The following PPP2R2C variants were observed in gnomAD, a reference collection of about 807,000 sequenced individuals.
The protein encoded by PPP2R2C is protein phosphatase 2, regulatory subunit B, gamma.
In PPP2R2C, 10 loss-of-function variants were observed where a neutral mutation model predicts 45.3. The observed-to-expected ratio is 0.22, with a 90% CI of 0.14 to 0.37. The LOEUF (loss-of-function observed/expected upper bound fraction) is 0.37. PPP2R2C is among the 10% of genes least tolerant of loss of function. The probability of loss-of-function intolerance (pLI) is 1.00; values close to 1 mark genes in which losing one functional copy is unlikely to be tolerated. For synonymous variants in PPP2R2C, 257 were observed against 245.4 expected (o/e 1.05, Z -0.44); for missense variants, 308 against 619.7 (o/e 0.50, Z 5.34).
intron 8 of PPP2R2C, among the ~76,000 whole-genome samples, chr4:6,327,457 C>A (rs1441865577): frequency 1.3e-5 from 2 of 152,212 alleles, no homozygotes; most frequent in Non-Finnish European, 2.9e-5. Context: ...GCGGGTGCCC[C>A]CTGGTGGCAG....
At chr4:6,517,329 T>C (rs896646297) in intron 2 of PPP2R2C, among the ~76,000 whole-genome samples, 4 of 152,234 alleles carry the variant, frequency 2.6e-5, no homozygotes, top group African/African-American at 9.6e-5. Flanking sequence ...TCAGCCTATC[T>C]GGGTCCAAAA....
intron 1 of PPP2R2C, among the ~76,000 whole-genome samples, chr4:6,536,929 G>A (rs10937741): frequency 0.28 from 43,153 of 152,098 alleles, 6,141 homozygotes; most frequent in Middle Eastern, 0.38. Context: ...CAGGTCAGGT[G>A]AGGTGGCTCA....
At chr4:6,537,332 A>G (rs1724660401) in intron 1 of PPP2R2C, among the ~76,000 whole-genome samples, 1 of 152,220 alleles carries the variant, frequency 6.6e-6, no homozygotes, top group Admixed American at 6.5e-5. Flanking sequence ...ACAGGCGATT[A>G]CATGGGGAAT....
At chr4:6,325,791 G>A (rs1731889991) in intron 8 of PPP2R2C, among the ~76,000 whole-genome samples, 1 of 152,194 alleles carries the variant, frequency 6.6e-6, no homozygotes, top group South Asian at 2.1e-4. Flanking sequence ...GGGCAGGGGA[G>A]CTGCTTCACC....
At chr4:6,352,588 G>C (rs1712672448) in intron 5 of PPP2R2C, among the ~76,000 whole-genome samples, 1 of 152,192 alleles carries the variant, frequency 6.6e-6, no homozygotes, top group Admixed American at 6.5e-5. Context: ...TAGCATCTAA[G>C]AGTCATTTTC....
rs541851997 is a variant in PPP2R2C at position 6,332,560 on chromosome 4, A to G, written c.960+1002T>C. 4.5e-4 allele frequency among the ~76,000 whole-genome samples: 68 copies of G among 152,286 alleles called. No individual in the cohort carries two copies. The highest frequency in any genetic ancestry group is 7.6e-4 in the Non-Finnish European group (52 of 68,010). On this transcript the variant is annotated intron_variant, in intron 7 of 8. Coordinates refer to ENST00000382599, the MANE Select transcript of PPP2R2C (RefSeq NM_020416.4). This position sits in a 1 kb window ranked among gnomAD's most constrained non-coding sequence, Gnocchi z 4.9. Reference sequence around the variant, plus strand: ...GTTCCCAGCGAGGCCTGCGCCACCCAGGACGCTTTCCTACTAGGTCTTCGC... The same window carrying G: ...GTTCCCAGCGAGGCCTGCGCCACCCGGGACGCTTTCCTACTAGGTCTTCGC...
intron 5 of PPP2R2C, chr4:6,350,661 G>C (rs949729362): frequency 7.1e-6 from 6 of 848,242 alleles, no homozygotes; most frequent in Non-Finnish European, 7.8e-6. Context: ...AACATTCCAG[G>C]TTCTCTCCCA....
At chr4:6,384,519 T>C (rs1716085461) in intron 1 of PPP2R2C, 1 of 973,488 alleles carries the variant, frequency 1.0e-6, no homozygotes, top group South Asian at 4.8e-5. Context: ...ACAATCAATA[T>C]ATAAAACGCT....
chr4:6,381,791 G>A lies in PPP2R2C; in HGVS notation c.71-697C>T, dbSNP rs142944056. On this transcript the variant is annotated intron_variant, in intron 1 of 8. Coordinates refer to ENST00000382599, the MANE Select transcript of PPP2R2C (RefSeq NM_020416.4). Reference sequence around the variant, plus strand: ...CACCCCCATACCTGGAGTCTTCAATGCCCAGGGCTGGCCTTCCTGGATGGG... The same window carrying A: ...CACCCCCATACCTGGAGTCTTCAATACCCAGGGCTGGCCTTCCTGGATGGG... 254 of 1,613,788 alleles carry A rather than the reference G, an allele frequency of 1.6e-4. 1 individual carries two copies. In the African/African-American group the frequency reaches 1.8e-3, roughly 12 times the overall value.
rs149180815 is a variant in PPP2R2C at position 6,451,276 on chromosome 4, G to A, written c.70+20884C>T. ...TGGATCCGCTGTGGACTGTCCAGAT[G>A]AGCCACTGTGCGACCCTGCCAACAC... On this transcript the variant is annotated intron_variant, in intron 1 of 8. Coordinates refer to ENST00000382599, the MANE Select transcript of PPP2R2C (RefSeq NM_020416.4). Among the ~76,000 whole-genome samples, 46 of 152,262 alleles carry A rather than the reference G, an allele frequency of 3.0e-4. 1 individual carries two copies. Among genetic ancestry groups the A allele is most frequent in the African/African-American group, 1.1e-3 (44 of 41,556 alleles).
chr4:6,534,967 T>A (rs1042022463), intron 2 of PPP2R2C, among the ~76,000 whole-genome samples: 4 of 152,180 alleles, frequency 2.6e-5, no homozygotes, highest in African/African-American at 9.6e-5. Context: ...TCCTGGCTCC[T>A]GCCCCAGCTG....
At chr4:6,511,534 G>T (rs62635969) in intron 2 of PPP2R2C, among the ~76,000 whole-genome samples, 10 of 18,002 alleles carry the variant, frequency 5.6e-4, no homozygotes, top group East Asian at 2.6e-3. Context: ...GATGGTGGTG[G>T]TGGTGGTGGT....
intron 1 of PPP2R2C, among the ~76,000 whole-genome samples, chr4:6,541,607 C>G (rs567543208): frequency 3.9e-5 from 6 of 152,228 alleles, no homozygotes; most frequent in Middle Eastern, 3.4e-3. Flanking sequence ...AGTGCAGTGG[C>G]GCGATCTCAG....
chr4:6,473,581 T>A (rs954180053), upstream of PPP2R2C, among the ~76,000 whole-genome samples: 1 of 151,936 alleles, frequency 6.6e-6, no homozygotes, highest in Non-Finnish European at 1.5e-5. Flanking sequence ...GTAAGTGCAG[T>A]GGGGTGACCA....
At chr4:6,418,872 CCTGGTT>C (rs1323384436) in intron 1 of PPP2R2C, among the ~76,000 whole-genome samples, 1 of 151,820 alleles carries the variant, frequency 6.6e-6, no homozygotes, top group African/African-American at 2.4e-5. Context: ...AAGTGTCATG[CCTGGTT>C]CTGGGGAGTA....
At chr4:6,429,730 G>T (rs535885676) in intron 1 of PPP2R2C, among the ~76,000 whole-genome samples, 1 of 152,292 alleles carries the variant, frequency 6.6e-6, no homozygotes, top group Admixed American at 6.5e-5. Context: ...AAGCTTTATT[G>T]TATGCTAACA....
At chr4:6,346,372 T>C (rs1010705876) in intron 6 of PPP2R2C, among the ~76,000 whole-genome samples, 1 of 152,054 alleles carries the variant, frequency 6.6e-6, no homozygotes, top group Non-Finnish European at 1.5e-5. Flanking sequence ...TCCCCAGAGA[T>C]CGGCACCACC....
At position 6,546,091 on chromosome 4, in the gene PPP2R2C, C is replaced by T. The variant is rs1419682038; in HGVS notation, c.-58-10714G>A. On this transcript the variant is annotated intron_variant, in intron 1 of 9. Coordinates refer to the PPP2R2C transcript ENST00000506140. The stretch of plus-strand genomic sequence containing the variant: ...CCCTGAGAACGATAATAGCAGCTGT[C>T]GCTGACTTAGCATCAATGGTGCACT... Among the ~76,000 whole-genome samples, 4 of 152,196 alleles carry T rather than the reference C, an allele frequency of 2.6e-5. No individual in the cohort carries two copies. The South Asian group carries it at 8.3e-4, about 32-fold the overall frequency.
At chr4:6,417,164 TG>T (rs1039252229) in intron 1 of PPP2R2C, among the ~76,000 whole-genome samples, 5 of 152,114 alleles carry the variant, frequency 3.3e-5, no homozygotes, top group Admixed American at 1.3e-4. Context: ...GTCCAGCCCC[TG>T]GGCGGGGAGG....
Sources: gnomAD v4.1 joint callset for allele counts (sites outside exome capture counted in the v4.1 genomes callset) on GRCh38, gnomAD v4.1.1 for gene constraint, Gnocchi (gnomAD v3.1) non-coding constraint, MANE v1.5 for transcripts, NCBI Gene and HGNC (gene_info 2026-07-23, HGNC 2026-07-21) for gene names.